Variants in TBC1D19 observed in about 807,000 individuals in gnomAD.
TBC1D19 encodes the protein TBC1 domain family, member 19.
Under a neutral mutation model 89.0 loss-of-function variants are expected in TBC1D19, and 60 were observed. That is an observed-to-expected ratio of 0.67 (90% CI 0.55 to 0.84). The LOEUF (loss-of-function observed/expected upper bound fraction) is 0.84. Ranked by LOEUF, TBC1D19 falls within the 40% of genes least tolerant of loss-of-function variation. TBC1D19 has a pLI of 0.00. For missense variants in TBC1D19, 500 were observed against 610.8 expected (o/e 0.82, Z 1.91); for synonymous variants, 189 against 199.7 (o/e 0.95, Z 0.45).
At chr4:26,625,418 T>C (rs545921313) in intron 4 of TBC1D19, among the ~76,000 whole-genome samples, 1 of 152,326 alleles carries the variant, frequency 6.6e-6, no homozygotes, top group East Asian at 1.9e-4. Context: ...AGAGTTCTCA[T>C]AGATCTCATA....
the TBC1D19 span, among the ~76,000 whole-genome samples, chr4:26,828,380 A>T: frequency 6.5e-3 from 993 of 152,348 alleles, 15 homozygotes; most frequent in African/African-American, 0.022. Context: ...AGAGCCAAAA[A>T]GAAAGTACTG....
the TBC1D19 span, among the ~76,000 whole-genome samples, chr4:26,815,783 A>G: frequency 6.6e-6 from 1 of 152,246 alleles, no homozygotes; most frequent in East Asian, 1.9e-4. Context: ...TCGGTAATGT[A>G]TAGTTACACC....
upstream of TBC1D19, among the ~76,000 whole-genome samples, chr4:26,580,511 C>T (rs1232338935): frequency 2.0e-5 from 3 of 152,182 alleles, no homozygotes; most frequent in African/African-American, 7.2e-5. Flanking sequence ...ACAAATGGGG[C>T]TAACTATCCA....
intron 17 of TBC1D19, chr4:26,741,011 C>T: frequency 1.1e-6 from 1 of 903,176 alleles, no homozygotes; most frequent in Non-Finnish European, 1.3e-6. Flanking sequence ...TCTTATCTTA[C>T]TTTAATATTT....
intron 13 of TBC1D19, among the ~76,000 whole-genome samples, chr4:26,694,622 G>C (rs1438171692): frequency 6.6e-6 from 1 of 152,196 alleles, no homozygotes; most frequent in Non-Finnish European, 1.5e-5. Flanking sequence ...CCCCTGAGTA[G>C]CCTAACTGGG....
intron 9 of TBC1D19, among the ~76,000 whole-genome samples, chr4:26,669,463 T>C (rs1712095119): frequency 6.6e-6 from 1 of 151,826 alleles, no homozygotes. Context: ...GTGCATCTGT[T>C]AACATAATGG....
intron 2 of TBC1D19, among the ~76,000 whole-genome samples, chr4:26,613,550 T>A (rs1741504547): frequency 6.6e-6 from 1 of 152,158 alleles, no homozygotes; most frequent in South Asian, 2.1e-4. Flanking sequence ...AGCCTTCCAA[T>A]TACTCATTCA....
At chr4:26,681,705 CA>C (rs1713361576) in intron 11 of TBC1D19, among the ~76,000 whole-genome samples, 1 of 152,048 alleles carries the variant, frequency 6.6e-6, no homozygotes, top group African/African-American at 2.4e-5. Context: ...TATGATTAAA[CA>C]AATTGTGACA....
intron 17 of TBC1D19, chr4:26,740,834 A>G (rs542773619): frequency 1.7e-5 from 17 of 985,340 alleles, no homozygotes; most frequent in African/African-American, 1.6e-4. Context: ...TTATCCCCCC[A>G]TTCTAAGCCT....
At chr4:26,818,238 T>C in the TBC1D19 span, among the ~76,000 whole-genome samples, 1 of 152,114 alleles carries the variant, frequency 6.6e-6, no homozygotes, top group Admixed American at 6.5e-5. Flanking sequence ...ACTTGTTTAT[T>C]TATTTTTGAG....
In TBC1D19 at chr4:26,755,723, C is replaced by A. The variant is rs1404606824; in HGVS notation, c.*776C>A. 6.6e-6 allele frequency among the ~76,000 whole-genome samples: 1 copy of A among 152,120 alleles called. No individual in the cohort carries two copies. Among genetic ancestry groups the A allele is most frequent in the Non-Finnish European group, 1.5e-5 (1 of 68,022 alleles). ...CTTTGTAACTATACAAGGAAGACAC[C>A]CAAGAGAATGAGGAGTCAAAACCCC... is the stretch of plus-strand genomic sequence containing the variant. On this transcript the variant is annotated 3_prime_UTR_variant, in exon 21 of 21. Transcript: ENST00000264866.
intron 13 of TBC1D19, among the ~76,000 whole-genome samples, chr4:26,705,509 T>C (rs1715669187): frequency 6.6e-6 from 1 of 152,150 alleles, no homozygotes; most frequent in Non-Finnish European, 1.5e-5. Flanking sequence ...AGATATCCAG[T>C]TTTCCTAGCA....
chr4:26,757,579 G>C (rs1035008888), downstream of TBC1D19, among the ~76,000 whole-genome samples: 1 of 152,196 alleles, frequency 6.6e-6, no homozygotes, highest in Non-Finnish European at 1.5e-5. Context: ...TTGAATAATG[G>C]TTTTGTTGAG....
rs543303028 is a variant in TBC1D19, at chr4:26,611,096, C to G, written c.100-2073C>G. On this transcript the variant is annotated intron_variant, in intron 1 of 20. Transcript: ENST00000264866. The stretch of plus-strand genomic sequence containing the variant: ...TATAAACGTTCCCTTTTCTCTACAG[C>G]CTCCCTGGCATGTTATTTTTTGACT... Among the ~76,000 whole-genome samples the G allele has an allele frequency of 8.5e-5, 13 of 152,214 alleles. 1 individual carries two copies. In the South Asian group the frequency reaches 2.7e-3, roughly 32 times the overall value.
intron 15 of TBC1D19, among the ~76,000 whole-genome samples, chr4:26,728,663 A>G (rs76032974): frequency 0.013 from 2,037 of 152,262 alleles, 40 homozygotes; most frequent in African/African-American, 0.047. Flanking sequence ...TGACCTTCTA[A>G]TCTGGTTTTT....
At chr4:26,763,991 A>G in the TBC1D19 span, among the ~76,000 whole-genome samples, 4 of 152,208 alleles carry the variant, frequency 2.6e-5, no homozygotes, top group African/African-American at 4.8e-5. Context: ...GGTGATGTAC[A>G]GTATGTTATC....
chr4:26,797,846 A>G, the TBC1D19 span, among the ~76,000 whole-genome samples: 1 of 152,230 alleles, frequency 6.6e-6, no homozygotes, highest in Non-Finnish European at 1.5e-5. Context: ...CGACATATGC[A>G]GAAGAATGAA....
At chr4:26,609,046 T>C (rs1741189052) in intron 1 of TBC1D19, among the ~76,000 whole-genome samples, 1 of 84,918 alleles carries the variant, frequency 1.2e-5, no homozygotes, top group East Asian at 4.2e-4. Flanking sequence ...CTCTGGAGAC[T>C]GTTGTGGGGT....
At chr4:26,602,305 T>C (rs1313636504) in intron 1 of TBC1D19, among the ~76,000 whole-genome samples, 1 of 152,180 alleles carries the variant, frequency 6.6e-6, no homozygotes, top group Non-Finnish European at 1.5e-5. Flanking sequence ...ATAATAATAC[T>C]AAGACTTCTT....
Sources: allele counts gnomAD v4.1 joint callset (sites outside exome capture counted in the v4.1 genomes callset), GRCh38; gene constraint gnomAD v4.1.1; transcripts MANE v1.5; gene names NCBI Gene and HGNC (gene_info 2026-07-23, HGNC 2026-07-21).